Variants in PRRC2C observed in about 807,000 individuals in gnomAD.
The protein encoded by PRRC2C is protein PRRC2C.
In PRRC2C, 72 loss-of-function variants were observed where a neutral mutation model predicts 317.2. The observed-to-expected ratio is 0.23, with a 90% CI of 0.19 to 0.28. The LOEUF (loss-of-function observed/expected upper bound fraction) is 0.28, where lower values mean the gene tolerates loss of function less well. PRRC2C is among the 10% of genes least tolerant of loss of function. The pLI is 1.00. For synonymous variants in PRRC2C, 1,296 were observed against 1,205.9 expected, an observed-to-expected ratio of 1.07 and a Z score of -1.55; for missense variants, 3,074 against 3,459.7, an observed-to-expected ratio of 0.89 and a Z score of 2.80.
At chr1:171,488,779 A>T in intron 1 of PRRC2C, among the ~76,000 whole-genome samples, 1 of 152,268 alleles carries the variant, frequency 6.6e-6, no homozygotes. Flanking sequence ...GGCAGACATG[A>T]TTAACTAGAC....
At chr1:171,538,264 C>A (rs998665508) in intron 15 of PRRC2C, among the ~76,000 whole-genome samples, 1 of 152,142 alleles carries the variant, frequency 6.6e-6, no homozygotes, top group Non-Finnish European at 1.5e-5. Flanking sequence ...CGTGAGCCAT[C>A]GTGTGCAGCC....
intron 11 of PRRC2C, among the ~76,000 whole-genome samples, chr1:171,529,329 A>G (rs972333881): frequency 1.3e-5 from 2 of 152,258 alleles, no homozygotes; most frequent in African/African-American, 4.8e-5. Context: ...CATATATTCA[A>G]CAATCAACTC....
At position 171,537,365 on chromosome 1, in the gene PRRC2C, C is replaced by T. The variant is rs780737569; in HGVS notation, c.2396C>T (p.Ala799Val). The T allele has an allele frequency of 6.9e-6, 11 of 1,592,366 alleles. No individual in the cohort carries two copies. Among genetic ancestry groups the T allele is most frequent in the African/African-American group, 4.0e-5 (3 of 74,590 alleles). ...ATAGCTCGATCTGCAAGAGATCACG[C>T]AATTTCCCTTTCTGAGCCTCGTATG... The part of the protein sequence containing the change: ...EHIARSARDH[A>V]ISLSEPRMLW... The change falls in exon 15 of 35, where the codon GCA becomes GTA. Residue 799 changes from alanine to valine, a missense_variant. Physicochemically the swap from Ala to Val is moderately conservative, Grantham distance 64. Around this residue, in one of 11 missense-constraint regions of PRRC2C, gnomAD observed 1,320 missense variants for 1,395.7 expected, o/e 0.95. Transcript: ENST00000647382.
intron 34 of PRRC2C, among the ~76,000 whole-genome samples, chr1:171,590,818 G>T (rs142545668): frequency 1.3e-5 from 2 of 152,218 alleles, no homozygotes; most frequent in African/African-American, 4.8e-5. Flanking sequence ...CTTGATTTTC[G>T]CATATTCCCA....
In PRRC2C at chr1:171,592,900, A is replaced by ATTAT; in HGVS notation, c.*1054_*1057dup. 6.6e-6 allele frequency: 1 copy of ATTAT among 152,250 alleles called. No homozygotes were observed. The highest frequency in any genetic ancestry group is 1.9e-4 in the East Asian group (1 of 5,188). 9.4% of individuals were successfully genotyped at this position (152,250 alleles called of 1,614,324 possible). On this transcript the variant is annotated 3_prime_UTR_variant, in exon 35 of 35. Transcript: ENST00000647382. ...TGCCTTTTTAATTGTATCCTCTAGT[A>ATTAT]TTATAGATATAGGACAGTACTGTAT...
chr1:171,485,884 C>T (rs1486472703), intron 1 of PRRC2C, 149 bp downstream of exon 1: 1 of 152,260 alleles, frequency 6.6e-6, no homozygotes, highest in Non-Finnish European at 1.5e-5. Context: ...CGGGCATTTC[C>T]CTTCTGTTTG....
chr1:171,497,684 G>T (rs1668372911), intron 1 of PRRC2C, among the ~76,000 whole-genome samples: 1 of 152,140 alleles, frequency 6.6e-6, no homozygotes, highest in Non-Finnish European at 1.5e-5. Context: ...ACCCAGATTG[G>T]TCTTGAACTC....
At chr1:171,501,750 G>A (rs1669158798) in intron 1 of PRRC2C, among the ~76,000 whole-genome samples, 1 of 152,178 alleles carries the variant, frequency 6.6e-6, no homozygotes, top group African/African-American at 2.4e-5. Context: ...ATAACTGTGT[G>A]GATGGGTTTT....
At chr1:171,512,609 A>T (rs1317293008) in intron 2 of PRRC2C, 3 of 225,928 alleles carry the variant, frequency 1.3e-5, no homozygotes, top group East Asian at 2.3e-4. Flanking sequence ...GACCTAGTGA[A>T]TATAGTGAAA....
intron 19 of PRRC2C, among the ~76,000 whole-genome samples, chr1:171,558,699 A>G (rs150202977): frequency 9.9e-5 from 15 of 150,952 alleles, no homozygotes; most frequent in South Asian, 2.1e-4. Flanking sequence ...GTTCCCTGAT[A>G]TCTACCTCTC....
rs746809169 is a variant in PRRC2C at position 171,579,388 on chromosome 1, T to C, written c.7194T>C (p.His2398=). 6.2e-7 allele frequency: 1 copy of C among 1,613,946 alleles called. No homozygotes were observed. Among genetic ancestry groups the C allele is most frequent in the Non-Finnish European group, 8.5e-7 (1 of 1,179,866 alleles). The change falls in exon 27 of 35, where the codon CAT becomes CAC. Residue 2398 remains histidine, a synonymous_variant. Transcript: ENST00000647382. ...CAGCCTTCTATATGGACACAAGTCA[T>C]TTATTCAATACCCAACATGCACGAT... ...QIPAFYMDTS[H]LFNTQHARLA... is the part of the protein sequence containing the mutation.
chr1:171,526,787 T>C (rs746558915), intron 10 of PRRC2C, among the ~76,000 whole-genome samples: 8 of 149,362 alleles, frequency 5.4e-5, no homozygotes, highest in Non-Finnish European at 7.4e-5. Context: ...GAGAAAATCA[T>C]TACATTCAGA....
chr1:171,573,426 A>G (rs983800251), intron 24 of PRRC2C, among the ~76,000 whole-genome samples: 4 of 152,176 alleles, frequency 2.6e-5, no homozygotes, highest in Admixed American at 2.0e-4. Flanking sequence ...AAAATCTCAG[A>G]TGGTACAGGT....
intron 18 of PRRC2C, among the ~76,000 whole-genome samples, chr1:171,553,259 G>A (rs142514864): frequency 0.81 from 123,049 of 151,642 alleles, 50,014 homozygotes; most frequent in Middle Eastern, 0.9. Context: ...AGAGGTGTTT[G>A]TAGTATTCTG....
Position 171,558,076 on chromosome 1 carries a change from T to C in PRRC2C, c.5964T>C (p.Thr1988=), listed in dbSNP as rs1423413134. ...TCCAGACCCCACAGTCACATGGCAC[T>C]CTGACAGCTGAATTATGGGATAACA... is the stretch of plus-strand genomic sequence containing the variant. ...KSIQTPQSHG[T]LTAELWDNKV... Residue 1988 remains threonine (T), a synonymous_variant, in exon 19 of 35, where the codon ACT becomes ACC. Coordinates refer to ENST00000647382, the MANE Select transcript of PRRC2C (RefSeq NM_001387844.1). 6.2e-7 allele frequency: 1 copy of C among 1,613,972 alleles called. No individual in the cohort carries two copies. The highest frequency in any genetic ancestry group is 2.2e-5 in the East Asian group (1 of 44,884).
At position 171,497,981 on chromosome 1, in the gene PRRC2C, ATTTTTTTT is replaced by A. The variant is rs60519098; in HGVS notation, c.-58+12263_-58+12270del. ...AGGCATGAGCCACCATACCCAGCTA[ATTTTTTTT>A]TTTTTTTTTTTTTTTTAAGAAAAGA... On this transcript the variant is annotated intron_variant, in intron 1 of 34. Coordinates refer to ENST00000647382, the MANE Select transcript of PRRC2C (RefSeq NM_001387844.1). 4.6e-5 allele frequency among the ~76,000 whole-genome samples: 6 copies of A among 130,680 alleles called. No individual in the cohort carries two copies. In the East Asian group the frequency reaches 1.1e-3, roughly 25 times the overall value. 85.7% of individuals were successfully genotyped at this position (130,680 alleles called of 152,430 possible). A position where few individuals can be genotyped will look rare whatever the true frequency, so the allele number is the denominator to read the frequency against.
intron 1 of PRRC2C, among the ~76,000 whole-genome samples, chr1:171,507,164 G>A (rs184531022): frequency 4.6e-5 from 7 of 152,274 alleles, no homozygotes; most frequent in Non-Finnish European, 5.9e-5. Context: ...AAGAACCGAG[G>A]TGGGAGGATC....
At chr1:171,528,413 T>C (rs964152085) in intron 11 of PRRC2C, among the ~76,000 whole-genome samples, 8 of 151,814 alleles carry the variant, frequency 5.3e-5, no homozygotes, top group Non-Finnish European at 1.0e-4. Context: ...CTCAGCCTCC[T>C]GAGTTGCTGG....
intron 1 of PRRC2C, among the ~76,000 whole-genome samples, chr1:171,486,056 G>A (rs934281914): frequency 7.3e-5 from 11 of 150,788 alleles, no homozygotes; most frequent in Non-Finnish European, 1.6e-4. Flanking sequence ...TACGCATGTT[G>A]CCGGGTAAGC....
Sources: allele counts gnomAD v4.1 joint callset (sites outside exome capture counted in the v4.1 genomes callset), GRCh38; gene constraint gnomAD v4.1.1; regional missense constraint gnomAD v4.1.1; transcripts MANE v1.5; gene names NCBI Gene and HGNC (gene_info 2026-07-23, HGNC 2026-07-21).